BRINP1: variants seen among roughly 807,000 people sequenced by gnomAD.
BRINP1 encodes the protein BMP/retinoic acid inducible neural specific 1.
BRINP1 carries 17 observed loss-of-function variants against 72.9 expected under a neutral mutation model. The observed-to-expected ratio is 0.23, with a 90% CI of 0.16 to 0.35. The LOEUF is 0.35. Among genes scored for constraint, BRINP1 ranks in the 10% least tolerant of loss-of-function variants. The pLI is 1.00. For synonymous variants in BRINP1, 418 were observed against 378.5 expected, an observed-to-expected ratio of 1.10 and a Z score of -1.21; for missense variants, 850 against 1,001.6, an observed-to-expected ratio of 0.85 and a Z score of 2.04.
intron 1 of BRINP1, among the ~76,000 whole-genome samples, chr9:119,366,026 T>C (rs905453412): frequency 6.6e-6 from 1 of 152,154 alleles, no homozygotes; most frequent in African/African-American, 2.4e-5. Context: ...GGTCTCTCTT[T>C]CACAGGGCTT....
At chr9:119,333,141 T>TAATCTA (rs1831316403) in intron 1 of BRINP1, among the ~76,000 whole-genome samples, 2 of 151,858 alleles carry the variant, frequency 1.3e-5, no homozygotes, top group African/African-American at 4.8e-5. Context: ...GTGTGGCTTG[T>TAATCTA]GAGTCTCAAG....
intron 7 of BRINP1, among the ~76,000 whole-genome samples, chr9:119,206,492 G>C (rs551569409): frequency 6.6e-6 from 1 of 150,562 alleles, no homozygotes; most frequent in Non-Finnish European, 1.5e-5. Context: ...GAAAGACTAC[G>C]TGGAAACACA....
chr9:119,213,815 T>C, intron 6 of BRINP1, 104 bp downstream of exon 6: 1 of 961,276 alleles, frequency 1.0e-6, no homozygotes, highest in Non-Finnish European at 1.7e-6. Flanking sequence ...AGGGTCAGGG[T>C]CACTGAACTT....
At chr9:119,192,837 G>A (rs13284416) in intron 7 of BRINP1, among the ~76,000 whole-genome samples, 2,436 of 152,142 alleles carry the variant, frequency 0.016, 30 homozygotes, top group Non-Finnish European at 0.026. Context: ...CAAGATAAGG[G>A]AAGAAACTAA....
At chr9:119,334,336 C>T (rs1288462294) in intron 1 of BRINP1, among the ~76,000 whole-genome samples, 2 of 152,214 alleles carry the variant, frequency 1.3e-5, no homozygotes, top group African/African-American at 2.4e-5. Flanking sequence ...GTTTTCACAA[C>T]ACCGTGTTGT....
chr9:119,276,382 C>T (rs1830658397), intron 2 of BRINP1, among the ~76,000 whole-genome samples: 1 of 152,092 alleles, frequency 6.6e-6, no homozygotes, highest in African/African-American at 2.4e-5. Context: ...TAAATGTACT[C>T]TTAGAAAATA....
At chr9:119,281,052 T>C (rs1261968845) in intron 2 of BRINP1, among the ~76,000 whole-genome samples, 1 of 152,090 alleles carries the variant, frequency 6.6e-6, no homozygotes, top group Non-Finnish European at 1.5e-5. Context: ...CTGGAGTTAA[T>C]CAGGGTTTTA....
At chr9:119,223,538 C>A (rs896731476) in intron 5 of BRINP1, among the ~76,000 whole-genome samples, 1 of 152,056 alleles carries the variant, frequency 6.6e-6, no homozygotes, top group African/African-American at 2.4e-5. Flanking sequence ...TATGTGTGCT[C>A]ATGTTCATGT....
chr9:119,197,465 G>A (rs912540308), intron 7 of BRINP1, among the ~76,000 whole-genome samples: 10 of 152,090 alleles, frequency 6.6e-5, no homozygotes, highest in Admixed American at 2.0e-4. Flanking sequence ...ATAATAAATG[G>A]TCAATGTATG....
chr9:119,295,712 T>C lies in BRINP1; in HGVS notation c.218+17426A>G, dbSNP rs146858035. Among the ~76,000 whole-genome samples the C allele has an allele frequency of 3.3e-3, 504 of 152,216 alleles. 2 individuals carry two copies. Among genetic ancestry groups the C allele is most frequent in the African/African-American group, 0.01 (434 of 41,538 alleles). On this transcript the variant is annotated intron_variant, in intron 2 of 7. Coordinates refer to ENST00000265922, the MANE Select transcript of BRINP1 (RefSeq NM_014618.3). ...AACATACAGACAAAATTGAACAGAA[T>C]AGAGAGACCAGAAATAAACCTGGGC...
intron 3 of BRINP1, among the ~76,000 whole-genome samples, chr9:119,243,010 T>C (rs1419014385): frequency 2.0e-5 from 3 of 152,146 alleles, no homozygotes; most frequent in East Asian, 1.9e-4. Flanking sequence ...AGAAGCTTTA[T>C]TTGGTAAACA....
intron 1 of BRINP1, among the ~76,000 whole-genome samples, chr9:119,318,845 GTGTGTGTGT>G (rs988074201): frequency 5.8e-4 from 22 of 37,946 alleles, no homozygotes; most frequent in African/African-American, 1.5e-3. Context: ...AATGTGTGGG[GTGTGTGTGT>G]GTGTGTGTGT....
At position 119,301,894 on chromosome 9, in the gene BRINP1, A is replaced by T. The variant is rs192935509; in HGVS notation, c.218+11244T>A. Among the ~76,000 whole-genome samples the T allele has an allele frequency of 1.4e-3, 206 of 152,356 alleles. 1 individual carries two copies. Among genetic ancestry groups the T allele is most frequent in the African/African-American group, 4.6e-3 (191 of 41,588 alleles). On this transcript the variant is annotated intron_variant, in intron 2 of 7. Coordinates refer to ENST00000265922, the MANE Select transcript of BRINP1 (RefSeq NM_014618.3). ...CAGTTTCCTCTCTCACCTGGATGAC[A>T]TACTTTGCACCGTCTCCCATCTTTC...
chr9:119,269,415 C>T (rs1830585411), intron 2 of BRINP1, among the ~76,000 whole-genome samples: 2 of 152,176 alleles, frequency 1.3e-5, no homozygotes, highest in South Asian at 4.1e-4. Context: ...TTCATTTTTA[C>T]TGTGTCTTAT....
intron 1 of BRINP1, among the ~76,000 whole-genome samples, chr9:119,329,086 A>C (rs984404126): frequency 6.6e-6 from 1 of 152,222 alleles, no homozygotes; most frequent in Non-Finnish European, 1.5e-5. Context: ...GGCACTACAC[A>C]GGTGCTCAAG....
At chr9:119,297,696 C>T (rs1304320041) in intron 2 of BRINP1, among the ~76,000 whole-genome samples, 2 of 152,186 alleles carry the variant, frequency 1.3e-5, no homozygotes, top group Non-Finnish European at 1.5e-5. Flanking sequence ...TTTGGACTTT[C>T]TCCCATTATC....
intron 7 of BRINP1, among the ~76,000 whole-genome samples, chr9:119,199,565 A>G (rs776371877): frequency 3.9e-5 from 6 of 152,158 alleles, no homozygotes; most frequent in Non-Finnish European, 7.3e-5. Context: ...TTGTGAAGTA[A>G]AAAGAAATCA....
At chr9:119,313,551 G>A (rs903520560) in intron 1 of BRINP1, 146 bp from the exon 2 acceptor site, 1 of 710,062 alleles carries the variant, frequency 1.4e-6, no homozygotes, top group African/African-American at 1.8e-5. Context: ...TATCAGTAGA[G>A]TGCTTTAAAG....
At chr9:119,227,480 G>C (rs1309340287) in intron 5 of BRINP1, among the ~76,000 whole-genome samples, 1 of 152,074 alleles carries the variant, frequency 6.6e-6, no homozygotes, top group East Asian at 1.9e-4. Flanking sequence ...GATGCAGCTA[G>C]CTGGGTGGAA....
Sources: gnomAD v4.1 joint callset for allele counts (sites outside exome capture counted in the v4.1 genomes callset) on GRCh38, gnomAD v4.1.1 for gene constraint, MANE v1.5 for transcripts, NCBI Gene and HGNC (gene_info 2026-07-23, HGNC 2026-07-21) for gene names.